CFAP77: variants seen among roughly 807,000 people sequenced by gnomAD.
CFAP77 encodes the protein cilia and flagella associated protein 77, also known as cilia- and flagella-associated protein 77.
A neutral mutation model predicts 31.1 loss-of-function variants in CFAP77; 25 were observed. The observed-to-expected ratio is 0.80, with a 90% confidence interval of 0.59 to 1.12. The LOEUF (loss-of-function observed/expected upper bound fraction) is 1.12, where lower values mean the gene tolerates loss of function less well. Among genes scored for constraint, CFAP77 ranks in the 50% most tolerant of loss-of-function variants. The probability of loss-of-function intolerance (pLI) is 0.00; values close to 1 mark genes in which losing one functional copy is unlikely to be tolerated. For missense variants in CFAP77, 377 were observed against 397.3 expected, an observed-to-expected ratio of 0.95 and a Z score of 0.44; for synonymous variants, 151 against 159.9, an observed-to-expected ratio of 0.94 and a Z score of 0.42.
intron 5 of CFAP77, among the ~76,000 whole-genome samples, chr9:132,561,373 C>T (rs137882324): frequency 7.6e-4 from 115 of 151,758 alleles, no homozygotes; most frequent in African/African-American, 2.5e-3. Flanking sequence ...TTTCCCCCCC[C>T]AAATCCTCCC....
At chr9:132,434,581 A>C (rs933302788) in intron 1 of CFAP77, among the ~76,000 whole-genome samples, 5 of 152,222 alleles carry the variant, frequency 3.3e-5, no homozygotes, top group Non-Finnish European at 5.9e-5. Flanking sequence ...CCATGAAGGA[A>C]GGCACAGCTA....
At chr9:132,419,478 C>T (rs749533798) in intron 1 of CFAP77, among the ~76,000 whole-genome samples, 14 of 152,158 alleles carry the variant, frequency 9.2e-5, no homozygotes, top group Admixed American at 2.6e-4. Context: ...AAAAAGGCAA[C>T]GAGAGAGGTG....
In CFAP77 at chr9:132,498,656, T is replaced by C; in HGVS notation, c.196-39T>C. ...GATTACAATACATTTGGTCTGAGAC[T>C]CCACTCCTCACCTCTGCTCTCTGTC... On this transcript the variant is annotated intron_variant, in intron 1 of 5. Coordinates refer to ENST00000393216, the MANE Select transcript of CFAP77 (RefSeq NM_001282957.2). This position sits in a 1 kb window ranked among gnomAD's most constrained non-coding sequence, Gnocchi z 4.2. 1.4e-6 allele frequency: 2 copies of C among 1,478,160 alleles called. No homozygotes were observed. The highest frequency in any genetic ancestry group is 1.9e-6 in the Non-Finnish European group (2 of 1,066,790). 91.6% of individuals were successfully genotyped at this position (1,478,160 alleles called of 1,614,324 possible).
At chr9:132,459,756 G>A (rs1008916283) in intron 1 of CFAP77, among the ~76,000 whole-genome samples, 1 of 151,462 alleles carries the variant, frequency 6.6e-6, no homozygotes, top group African/African-American at 2.4e-5. Flanking sequence ...GTGTGTGTAT[G>A]TGTGTGTATG....
chr9:132,458,342 C>CGGGGGGGGGGG (rs1554738844), intron 1 of CFAP77, among the ~76,000 whole-genome samples: 1 of 71,192 alleles, frequency 1.4e-5, no homozygotes, highest in African/African-American at 5.5e-5. Context: ...GTCTCCCTGG[C>CGGGGGGGGGGG]GGGGGAGGGG....
intron 1 of CFAP77, among the ~76,000 whole-genome samples, chr9:132,427,444 G>A (rs1489218678): frequency 1.3e-5 from 2 of 152,108 alleles, no homozygotes; most frequent in African/African-American, 4.8e-5. Context: ...CCTAACGAAT[G>A]ACCACACATC....
intron 1 of CFAP77, among the ~76,000 whole-genome samples, chr9:132,457,614 C>T (rs1213866735): frequency 2.0e-5 from 3 of 152,228 alleles, no homozygotes; most frequent in African/African-American, 4.8e-5. Flanking sequence ...AAACTCTCGC[C>T]TTGTTGCTGG....
chr9:132,460,969 A>G (rs1166029931), intron 1 of CFAP77, among the ~76,000 whole-genome samples: 3 of 152,122 alleles, frequency 2.0e-5, no homozygotes, highest in African/African-American at 7.2e-5. Context: ...CAGGCGATTT[A>G]CCTGCCTCAG....
intron 3 of CFAP77, among the ~76,000 whole-genome samples, chr9:132,503,640 G>A (rs1171576484): frequency 1.3e-5 from 2 of 152,174 alleles, no homozygotes; most frequent in East Asian, 1.9e-4. Flanking sequence ...TTGTGCCAGA[G>A]GTGGGCAGGA....
At chr9:132,521,758 C>T (rs1294899835) in intron 3 of CFAP77, among the ~76,000 whole-genome samples, 1 of 80,252 alleles carries the variant, frequency 1.2e-5, no homozygotes, top group Non-Finnish European at 2.3e-5. Context: ...CAGAAATAGA[C>T]TTGCTTTTTT....
chr9:132,445,454 A>C (rs925747413), intron 1 of CFAP77, among the ~76,000 whole-genome samples: 1 of 152,206 alleles, frequency 6.6e-6, no homozygotes, highest in African/African-American at 2.4e-5. Flanking sequence ...CACTGTATGG[A>C]TAGACCACAT....
Position 132,480,826 on chromosome 9 carries a change from G to A in CFAP77, c.196-17869G>A, listed in dbSNP as rs371297813. 6.6e-6 allele frequency among the ~76,000 whole-genome samples: 1 copy of A among 152,088 alleles called. No individual in the cohort carries two copies. ...AAGGGGCCTGAAAGTTCCAGGAGCC[G>A]AAAGAAGGCCCAGGGCAGAAAGCGG... On this transcript the variant is annotated intron_variant, in intron 1 of 5. Coordinates refer to ENST00000393216, the MANE Select transcript of CFAP77 (RefSeq NM_001282957.2). The surrounding 1 kb of genome is among the most constrained non-coding windows in gnomAD (Gnocchi z 5.8).
chr9:132,442,138 C>T (rs1850625168), intron 1 of CFAP77, among the ~76,000 whole-genome samples: 1 of 152,032 alleles, frequency 6.6e-6, no homozygotes, highest in South Asian at 2.1e-4. Flanking sequence ...TGGGAGTTTC[C>T]AAGACAAGCA....
At chr9:132,494,159 G>C (rs1304800959) in intron 1 of CFAP77, among the ~76,000 whole-genome samples, 3 of 152,144 alleles carry the variant, frequency 2.0e-5, no homozygotes, top group African/African-American at 7.2e-5. Context: ...TTGTCTGCTT[G>C]TCTTGGCCTC....
intron 1 of CFAP77, among the ~76,000 whole-genome samples, chr9:132,462,987 T>C (rs1351117630): frequency 6.6e-6 from 1 of 152,048 alleles, no homozygotes; most frequent in African/African-American, 2.4e-5. Flanking sequence ...CATAGATGTG[T>C]GTATTATTGC....
intron 1 of CFAP77, among the ~76,000 whole-genome samples, chr9:132,488,621 A>G (rs1202536019): frequency 6.6e-6 from 1 of 152,250 alleles, no homozygotes; most frequent in Admixed American, 6.5e-5. Flanking sequence ...CCTGGGTCCC[A>G]GGTAGCTTCG....
chr9:132,419,196 A>C (rs750791498), intron 1 of CFAP77, among the ~76,000 whole-genome samples: 2 of 152,218 alleles, frequency 1.3e-5, no homozygotes, highest in African/African-American at 4.8e-5. Flanking sequence ...CAAACAATAC[A>C]TATTTGGGAG....
intron 5 of CFAP77, among the ~76,000 whole-genome samples, chr9:132,543,390 C>T (rs1241543162): frequency 1.3e-5 from 2 of 152,168 alleles, no homozygotes; most frequent in African/African-American, 4.8e-5. Context: ...CAGAGGCAGT[C>T]TTCCTGTAGA....
intron 1 of CFAP77, among the ~76,000 whole-genome samples, chr9:132,450,763 T>C (rs150553702): frequency 4.9e-4 from 74 of 152,330 alleles, no homozygotes; most frequent in African/African-American, 1.8e-3. Flanking sequence ...GACCTGTCTT[T>C]ATGCAAGACC....
Sources: gnomAD v4.1 joint callset for allele counts (sites outside exome capture counted in the v4.1 genomes callset) on GRCh38, gnomAD v4.1.1 for gene constraint, Gnocchi (gnomAD v3.1) non-coding constraint, MANE v1.5 for transcripts, NCBI Gene and HGNC (gene_info 2026-07-23, HGNC 2026-07-21) for gene names.